The following RIMS3 variants were observed in gnomAD, a reference collection of about 807,000 sequenced individuals.
The protein encoded by RIMS3 is regulating synaptic membrane exocytosis 3.
RIMS3 carries 15 observed loss-of-function variants against 29.2 expected under a neutral mutation model. That is an observed-to-expected ratio of 0.51 (90% CI 0.34 to 0.79). The LOEUF is 0.79. Ranked by LOEUF, RIMS3 falls within the 30% of genes least tolerant of loss-of-function variation. The probability of loss-of-function intolerance (pLI) is 0.01; values close to 1 mark genes in which losing one functional copy is unlikely to be tolerated. For synonymous variants in RIMS3, 161 were observed against 170.1 expected (o/e 0.95, Z 0.41); for missense variants, 342 against 421.4 (o/e 0.81, Z 1.65).
In RIMS3 at chr1:40,654,343, A is replaced by G. The variant is rs1570197071; in HGVS notation, c.-206-6501T>C. 6.6e-6 allele frequency among the ~76,000 whole-genome samples: 1 copy of G among 152,120 alleles called. No homozygotes were observed. Among genetic ancestry groups the G allele is most frequent in the Non-Finnish European group, 1.5e-5 (1 of 68,006 alleles). On this transcript the variant is annotated intron_variant, in intron 1 of 7. Coordinates refer to ENST00000372684, the MANE Select transcript of RIMS3 (RefSeq NM_014747.3). This position sits in a 1 kb window ranked among gnomAD's most constrained non-coding sequence, Gnocchi z 5.3. ...GCCCCAGGCCAGACAGACACCGCCC[A>G]AAGAGGTGCACGCATTCCCTGCAAC...
intron 1 of RIMS3, among the ~76,000 whole-genome samples, chr1:40,660,581 T>A (rs923595932): frequency 3.3e-5 from 5 of 151,882 alleles, no homozygotes; most frequent in African/African-American, 1.2e-4. Flanking sequence ...GGTTTCGCCA[T>A]GTTGCCCAGG....
At chr1:40,651,200 C>A (rs1646630099) in intron 1 of RIMS3, among the ~76,000 whole-genome samples, 1 of 152,150 alleles carries the variant, frequency 6.6e-6, no homozygotes, top group Non-Finnish European at 1.5e-5. Flanking sequence ...GCAGATGTGA[C>A]AAGTTAAGAT....
At chr1:40,676,018 C>A in the RIMS3 span, among the ~76,000 whole-genome samples, 1 of 152,060 alleles carries the variant, frequency 6.6e-6, no homozygotes, top group Non-Finnish European at 1.5e-5. Flanking sequence ...AAGGCAGAAG[C>A]CTGACTGTAG....
At chr1:40,688,967 G>A in the RIMS3 span, among the ~76,000 whole-genome samples, 2 of 152,062 alleles carry the variant, frequency 1.3e-5, no homozygotes, top group Admixed American at 1.3e-4. Flanking sequence ...GTTTTGTTTG[G>A]TCATGTTTGT....
rs142257761 is a variant in RIMS3 at position 40,654,887 on chromosome 1, TCAAA to T, written c.-206-7049_-206-7046del. On this transcript the variant is annotated intron_variant, in intron 1 of 7. Coordinates refer to ENST00000372684, the MANE Select transcript of RIMS3 (RefSeq NM_014747.3). The surrounding 1 kb of genome is among the most constrained non-coding windows in gnomAD (Gnocchi z 5.3). ...ACACATTATGCCTTCACAGAGATCC[TCAAA>T]CATTCACCATGGACACACAAGCACA... 5.7e-3 allele frequency among the ~76,000 whole-genome samples: 864 copies of T among 152,016 alleles called. 10 individuals carry two copies. Among genetic ancestry groups the T allele is most frequent in the African/African-American group, 0.02 (811 of 41,416 alleles).
chr1:40,688,856 G>A, the RIMS3 span, among the ~76,000 whole-genome samples: 1 of 152,036 alleles, frequency 6.6e-6, no homozygotes, highest in South Asian at 2.1e-4. Context: ...CTCCAAACAG[G>A]GTACAGAATG....
At position 40,635,287 on chromosome 1, in the gene RIMS3, A is replaced by T. The variant is rs967848037; in HGVS notation, c.359+629T>A. Among the ~76,000 whole-genome samples the T allele has an allele frequency of 9.2e-5, 14 of 152,266 alleles. No homozygotes were observed. The highest frequency in any genetic ancestry group is 3.4e-4 in the African/African-American group (14 of 41,468). ...TTTCAGATTTTTTAATGCAACCTAC[A>T]TGTAAGAAAGGAGATTTAACATCAT... On this transcript the variant is annotated intron_variant, in intron 4 of 7. Coordinates refer to ENST00000372684, the MANE Select transcript of RIMS3 (RefSeq NM_014747.3). The surrounding 1 kb of genome is among the most constrained non-coding windows in gnomAD (Gnocchi z 4.1).
chr1:40,629,232 G>A lies in RIMS3; in HGVS notation c.574+39C>T, dbSNP rs761473498. On this transcript the variant is annotated intron_variant, in intron 6 of 7. Transcript: ENST00000372684. The stretch of plus-strand genomic sequence containing the variant: ...TGCTAGACCCAGAGCTCGGCTCTAT[G>A]CCCCTCCCTGTCAGGACCCCATTTC... 4 of 1,535,784 alleles carry A rather than the reference G, an allele frequency of 2.6e-6. No homozygotes were observed. In the South Asian group the frequency reaches 4.5e-5, roughly 17 times the overall value.
At chr1:40,644,720 C>T (rs3820528) in intron 2 of RIMS3, among the ~76,000 whole-genome samples, 40,626 of 152,048 alleles carry the variant, frequency 0.27, 5,907 homozygotes, top group Non-Finnish European at 0.33. Flanking sequence ...TCAGGAAGAA[C>T]CCAACAAGGC....
At chr1:40,657,276 G>A (rs1309332751) in intron 1 of RIMS3, among the ~76,000 whole-genome samples, 1 of 152,136 alleles carries the variant, frequency 6.6e-6, no homozygotes. Context: ...TCCACAGTTG[G>A]CAGCCCTTGC....
intron 2 of RIMS3, among the ~76,000 whole-genome samples, chr1:40,645,075 G>T (rs111491251): frequency 1.3e-5 from 2 of 152,300 alleles, no homozygotes; most frequent in East Asian, 1.9e-4. Flanking sequence ...TGCCTGGACC[G>T]ATCTCATTCG....
Position 40,635,891 on chromosome 1 carries a change from G to A in RIMS3, c.359+25C>T. ...CTGGAGGACCGAGGAGGAGGGAGGG[G>A]ACCACAGCACGGGGCTGCACGCACG... is the stretch of plus-strand genomic sequence containing the variant. On this transcript the variant is annotated intron_variant, in intron 4 of 7. Coordinates refer to ENST00000372684, the MANE Select transcript of RIMS3 (RefSeq NM_014747.3). This position sits in a 1 kb window ranked among gnomAD's most constrained non-coding sequence, Gnocchi z 4.1. 6.2e-7 allele frequency: 1 copy of A among 1,609,198 alleles called. No individual in the cohort carries two copies. The highest frequency in any genetic ancestry group is 8.5e-7 in the Non-Finnish European group (1 of 1,177,956).
chr1:40,631,587 G>C (rs1646489685), intron 5 of RIMS3, among the ~76,000 whole-genome samples: 1 of 152,210 alleles, frequency 6.6e-6, no homozygotes, highest in South Asian at 2.1e-4. Flanking sequence ...GCTGAGGCAT[G>C]AGAATTGCTT....
At chr1:40,633,324 C>A in intron 4 of RIMS3, 143 bp from the exon 5 acceptor site, 1 of 617,914 alleles carries the variant, frequency 1.6e-6, no homozygotes, top group Non-Finnish European at 2.9e-6. Flanking sequence ...AGTATGATTG[C>A]ACTACTCTGG....
chr1:40,668,197 A>C (rs1642447932), upstream of RIMS3, among the ~76,000 whole-genome samples: 1 of 148,904 alleles, frequency 6.7e-6, no homozygotes, highest in Admixed American at 6.7e-5. Flanking sequence ...GTTGCAGTGA[A>C]CTGAGATCGC....
chr1:40,689,576 G>A, the RIMS3 span, among the ~76,000 whole-genome samples: 7 of 151,918 alleles, frequency 4.6e-5, no homozygotes, highest in Non-Finnish European at 4.4e-5. Flanking sequence ...CACCGTGCCC[G>A]GCCGGTTCAT....
the RIMS3 span, among the ~76,000 whole-genome samples, chr1:40,686,209 A>G: frequency 1.3e-5 from 2 of 152,166 alleles, no homozygotes; most frequent in African/African-American, 4.8e-5. Flanking sequence ...TCAGCAGGCA[A>G]GACAACAAAT....
At chr1:40,655,128 G>T (rs1279432168) in intron 1 of RIMS3, among the ~76,000 whole-genome samples, 2 of 152,226 alleles carry the variant, frequency 1.3e-5, no homozygotes, top group Non-Finnish European at 2.9e-5. Context: ...GGGACAAGCA[G>T]TCAGCACAAA....
chr1:40,684,520 C>T, the RIMS3 span, among the ~76,000 whole-genome samples: 330 of 152,220 alleles, frequency 2.2e-3, 3 homozygotes, highest in Admixed American at 2.6e-3. Context: ...GAAAACAAAG[C>T]CGGAAGAAGG....
Sources: gnomAD v4.1 joint callset for allele counts (sites outside exome capture counted in the v4.1 genomes callset) on GRCh38, gnomAD v4.1.1 for gene constraint, Gnocchi (gnomAD v3.1) non-coding constraint, MANE v1.5 for transcripts, NCBI Gene and HGNC (gene_info 2026-07-23, HGNC 2026-07-21) for gene names.